Variants in GRID2 observed in about 807,000 individuals in gnomAD.
GRID2 encodes the protein glutamate receptor ionotropic, delta-2.
GRID2 carries 33 observed loss-of-function variants against 114.8 expected under a neutral mutation model. That is an observed-to-expected ratio of 0.29 (90% CI 0.22 to 0.38). GRID2 has a LOEUF of 0.38. Ranked by LOEUF, GRID2 falls within the 10% of genes least tolerant of loss-of-function variation. The pLI, the probability that GRID2 is intolerant of heterozygous loss-of-function variation, is 1.00. For synonymous variants in GRID2, 505 were observed against 449.9 expected, an observed-to-expected ratio of 1.12 and a Z score of -1.55; for missense variants, 1,184 against 1,257.7, an observed-to-expected ratio of 0.94 and a Z score of 0.89.
intron 8 of GRID2, among the ~76,000 whole-genome samples, chr4:93,355,741 A>G (rs1761272553): frequency 6.6e-6 from 1 of 152,110 alleles, no homozygotes; most frequent in African/African-American, 2.4e-5. Flanking sequence ...TTTAAGAAAG[A>G]GAGCTCTGCA....
At chr4:93,014,261 C>G (rs1049385720) in intron 2 of GRID2, among the ~76,000 whole-genome samples, 37 of 152,002 alleles carry the variant, frequency 2.4e-4, no homozygotes, top group African/African-American at 7.2e-4. Context: ...CCCAGAAGCC[C>G]TACCTCTAAT....
At chr4:92,854,379 A>T (rs1016990119) in intron 2 of GRID2, among the ~76,000 whole-genome samples, 1 of 151,928 alleles carries the variant, frequency 6.6e-6, no homozygotes, top group Non-Finnish European at 1.5e-5. Flanking sequence ...TGAAAAGATC[A>T]CTCCAGGGGC....
intron 2 of GRID2, among the ~76,000 whole-genome samples, chr4:92,814,058 A>C (rs1406517598): frequency 6.6e-6 from 1 of 152,046 alleles, no homozygotes; most frequent in African/African-American, 2.4e-5. Context: ...ATCCTTGGAG[A>C]TCTAACCCAA....
chr4:92,754,705 A>G (rs776102698), intron 2 of GRID2, among the ~76,000 whole-genome samples: 46 of 152,172 alleles, frequency 3.0e-4, no homozygotes, highest in Non-Finnish European at 6.2e-4. Context: ...GTATTTTGAA[A>G]TGGTATTTCA....
chr4:93,265,516 A>G (rs1174261365), intron 8 of GRID2, among the ~76,000 whole-genome samples: 1 of 152,180 alleles, frequency 6.6e-6, no homozygotes, highest in Non-Finnish European at 1.5e-5. Context: ...TAATAAAACC[A>G]ACTTTCCCAT....
chr4:92,449,381 A>G (rs1359233108), intron 1 of GRID2, among the ~76,000 whole-genome samples: 1 of 152,028 alleles, frequency 6.6e-6, no homozygotes. Context: ...TGTATAAAAT[A>G]TGATAGTTGA....
At chr4:93,033,536 A>G (rs112554142) in intron 2 of GRID2, among the ~76,000 whole-genome samples, 3,135 of 152,194 alleles carry the variant, frequency 0.021, 56 homozygotes, top group East Asian at 0.052. Flanking sequence ...TTGTGGAGGC[A>G]TGATTGCTCT....
Position 92,493,842 on chromosome 4 carries a change from A to G in GRID2, c.89-96289A>G, listed in dbSNP as rs552072071. On this transcript the variant is annotated intron_variant, in intron 1 of 15. Transcript: ENST00000282020. ...AGGAGACCACTAGAAATAACCATAT[A>G]AAGCAATCAGTTAAACACTTTCCTC... Among the ~76,000 whole-genome samples, 7 of 152,166 alleles carry G rather than the reference A, an allele frequency of 4.6e-5. No individual in the cohort carries two copies. In the East Asian group the frequency reaches 1.3e-3, roughly 29 times the overall value.
At chr4:92,817,518 A>T (rs888971873) in intron 2 of GRID2, among the ~76,000 whole-genome samples, 1 of 152,146 alleles carries the variant, frequency 6.6e-6, no homozygotes, top group South Asian at 2.1e-4. Context: ...ATATCTCCTC[A>T]TAAATATCTA....
At chr4:93,571,151 C>G (rs1370837013) in intron 13 of GRID2, among the ~76,000 whole-genome samples, 1 of 151,966 alleles carries the variant, frequency 6.6e-6, no homozygotes, top group East Asian at 1.9e-4. Flanking sequence ...TAGTGTATCT[C>G]TAGTATGCTA....
At chr4:93,529,092 C>T (rs1191110720) in intron 13 of GRID2, among the ~76,000 whole-genome samples, 1 of 152,120 alleles carries the variant, frequency 6.6e-6, no homozygotes, top group Non-Finnish European at 1.5e-5. Flanking sequence ...GTAATGTCCT[C>T]TCAAAACTAA....
At chr4:92,536,820 C>T (rs987714795) in intron 1 of GRID2, among the ~76,000 whole-genome samples, 13 of 152,054 alleles carry the variant, frequency 8.5e-5, no homozygotes, top group African/African-American at 2.9e-4. Context: ...TAATAAGCAG[C>T]TGTTAAGATG....
intron 1 of GRID2, among the ~76,000 whole-genome samples, chr4:92,449,617 A>G (rs1439625075): frequency 6.9e-6 from 1 of 145,352 alleles, no homozygotes; most frequent in African/African-American, 2.5e-5. Context: ...TCTTAATTTT[A>G]CTAATTATAC....
At chr4:93,083,222 A>G (rs1481759613) in intron 2 of GRID2, among the ~76,000 whole-genome samples, 1 of 152,198 alleles carries the variant, frequency 6.6e-6, no homozygotes, top group African/African-American at 2.4e-5. Flanking sequence ...GCTTATATAA[A>G]TCATTAATGG....
At chr4:92,564,168 CTG>C (rs1560713831) in intron 1 of GRID2, among the ~76,000 whole-genome samples, 1 of 151,910 alleles carries the variant, frequency 6.6e-6, no homozygotes, top group East Asian at 1.9e-4. Context: ...GAAATTATGT[CTG>C]TGGTATTTAA....
At chr4:93,337,795 T>C (rs1169657561) in intron 8 of GRID2, among the ~76,000 whole-genome samples, 3 of 152,206 alleles carry the variant, frequency 2.0e-5, no homozygotes, top group Non-Finnish European at 2.9e-5. Context: ...TTGCTTTACA[T>C]TGAATTTTGT....
At chr4:93,530,699 A>G (rs1731354358) in intron 13 of GRID2, among the ~76,000 whole-genome samples, 1 of 152,096 alleles carries the variant, frequency 6.6e-6, no homozygotes, top group Non-Finnish European at 1.5e-5. Flanking sequence ...CTTCTAGATC[A>G]TATACTATTT....
intron 4 of GRID2, among the ~76,000 whole-genome samples, chr4:93,141,326 A>T (rs1735750028): frequency 6.6e-6 from 1 of 152,170 alleles, no homozygotes; most frequent in Admixed American, 6.5e-5. Flanking sequence ...ATTGCATATG[A>T]GCTACTCCTA....
chr4:92,407,101 G>A (rs1315373596), intron 1 of GRID2, among the ~76,000 whole-genome samples: 1 of 151,876 alleles, frequency 6.6e-6, no homozygotes, highest in Non-Finnish European at 1.5e-5. Flanking sequence ...GAGAGAGTGC[G>A]TGTCAGATAC....
Sources: gnomAD v4.1 joint callset for allele counts (sites outside exome capture counted in the v4.1 genomes callset) on GRCh38, gnomAD v4.1.1 for gene constraint, MANE v1.5 for transcripts, NCBI Gene and HGNC (gene_info 2026-07-23, HGNC 2026-07-21) for gene names.